Variants in RBM47 observed in about 807,000 individuals in gnomAD.
The protein encoded by RBM47 is RNA binding motif protein 47.
Under a neutral mutation model 47.1 loss-of-function variants are expected in RBM47, and 21 were observed. The ratio of observed to expected loss-of-function variants is 0.45; its 90% CI spans 0.32 to 0.64. The LOEUF (loss-of-function observed/expected upper bound fraction) is 0.64, where lower values mean the gene tolerates loss of function less well. Ranked by LOEUF, RBM47 falls within the 30% of genes least tolerant of loss-of-function variation. The pLI, the probability that RBM47 is intolerant of heterozygous loss-of-function variation, is 0.05. For synonymous variants in RBM47, 375 were observed against 361.7 expected (o/e 1.04, Z -0.42); for missense variants, 708 against 870.9 (o/e 0.81, Z 2.35).
intron 2 of RBM47, among the ~76,000 whole-genome samples, chr4:40,531,159 A>C (rs2154259419): frequency 6.6e-6 from 1 of 152,230 alleles, no homozygotes; most frequent in East Asian, 1.9e-4. Context: ...TGGTTTACAT[A>C]AAACGAAACC....
chr4:40,426,319 A>G, intron 6 of RBM47, 176 bp from the exon 7 acceptor site: 2 of 779,408 alleles, frequency 2.6e-6, no homozygotes, highest in Non-Finnish European at 4.0e-6. Context: ...GAGCCACTGA[A>G]GAGGTAAGGT....
intron 3 of RBM47, among the ~76,000 whole-genome samples, chr4:40,444,767 C>A (rs10024316): frequency 0.16 from 24,011 of 151,282 alleles, 2,029 homozygotes; most frequent in Middle Eastern, 0.21. Context: ...AGGATTCAAG[C>A]GATTTATCTG....
At chr4:40,535,371 C>CTTTTTTTTTTTTTTTTTTATTTT (rs1553897874) in intron 2 of RBM47, among the ~76,000 whole-genome samples, 2 of 103,434 alleles carry the variant, frequency 1.9e-5, no homozygotes, top group South Asian at 3.3e-4. Context: ...TATGGTATTT[C>CTTTTTTTTTTTTTTTTTTATTTT]TTTTTTTTTT....
intron 1 of RBM47, among the ~76,000 whole-genome samples, chr4:40,615,096 A>T (rs1736602107): frequency 6.6e-6 from 1 of 152,110 alleles, no homozygotes; most frequent in Non-Finnish European, 1.5e-5. Context: ...ACTGAACTCC[A>T]GTCTGAGCAA....
rs775844596 is a variant in RBM47, at chr4:40,424,374, T to C, written c.*1530A>G. On this transcript the variant is annotated 3_prime_UTR_variant, in exon 7 of 7. Transcript: ENST00000295971. ...AAAGTAGATGACAATCTTAACATTT[T>C]ACTGTATTTTACATTCACTCTGCTA... The C allele has an allele frequency of 6.6e-6, 1 of 152,668 alleles. No homozygotes were observed. The highest frequency in any genetic ancestry group is 1.5e-5 in the Non-Finnish European group (1 of 68,042). 9.5% of individuals were successfully genotyped at this position (152,668 alleles called of 1,614,324 possible).
At chr4:40,427,969 T>C (rs1223693327) in intron 6 of RBM47, among the ~76,000 whole-genome samples, 2 of 152,188 alleles carry the variant, frequency 1.3e-5, no homozygotes, top group South Asian at 2.1e-4. Context: ...GGTAGGAGGA[T>C]GGCTTGAGGC....
Position 40,471,637 on chromosome 4 carries a change from T to C in RBM47, c.-154-4938A>G, listed in dbSNP as rs189227397. 1.8e-4 allele frequency among the ~76,000 whole-genome samples: 27 copies of C among 147,590 alleles called. 1 individual carries two copies. The highest frequency in any genetic ancestry group is 6.8e-4 in the African/African-American group (27 of 39,824). On this transcript the variant is annotated intron_variant, in intron 2 of 6. Coordinates refer to ENST00000295971, the MANE Select transcript of RBM47 (RefSeq NM_001098634.2). ...TGAATCCGGGAGGTGGAGGCTGCAGTAAGCCGAGATCGTGCCAGGCACTCC... is the reference window on the plus strand; with the variant it reads ...TGAATCCGGGAGGTGGAGGCTGCAGCAAGCCGAGATCGTGCCAGGCACTCC...
intron 4 of RBM47, among the ~76,000 whole-genome samples, chr4:40,437,431 C>T (rs1712817210): frequency 6.6e-6 from 1 of 151,764 alleles, no homozygotes; most frequent in Admixed American, 6.6e-5. Context: ...CCACCAACAT[C>T]TTAAGATTTA....
At chr4:40,504,581 CTGCACCCGACCCTCAT>C (rs1449027849) in intron 2 of RBM47, among the ~76,000 whole-genome samples, 1 of 152,182 alleles carries the variant, frequency 6.6e-6, no homozygotes, top group Non-Finnish European at 1.5e-5. Flanking sequence ...GCTTGGGTCA[CTGCACCCGACCCTCAT>C]TGTTGTTTTA....
intron 1 of RBM47, among the ~76,000 whole-genome samples, chr4:40,546,795 A>T (rs1729079194): frequency 6.6e-6 from 1 of 152,230 alleles, no homozygotes; most frequent in Non-Finnish European, 1.5e-5. Flanking sequence ...CTGTTTGCTT[A>T]CAGCAAATGG....
chr4:40,500,413 C>T, intron 2 of RBM47, among the ~76,000 whole-genome samples: 1 of 151,988 alleles, frequency 6.6e-6, no homozygotes, highest in Admixed American at 6.6e-5. Flanking sequence ...GGAGTCGAGA[C>T]CAGCCTGGGC....
intron 2 of RBM47, among the ~76,000 whole-genome samples, chr4:40,498,670 CAAAAAAA>C (rs910303039): frequency 2.9e-4 from 18 of 62,578 alleles, no homozygotes; most frequent in East Asian, 7.4e-4. Flanking sequence ...GACTCCATCT[CAAAAAAA>C]AAAAAAAAAA....
chr4:40,570,594 C>T (rs1438441067), intron 1 of RBM47, among the ~76,000 whole-genome samples: 3 of 141,940 alleles, frequency 2.1e-5, no homozygotes, highest in African/African-American at 9.4e-5. Flanking sequence ...CTGCCTGGAA[C>T]CCCTGATCTA....
intron 1 of RBM47, among the ~76,000 whole-genome samples, chr4:40,555,500 G>A (rs1729993082): frequency 6.6e-6 from 1 of 152,226 alleles, no homozygotes; most frequent in South Asian, 2.1e-4. Context: ...GTGGTATTAA[G>A]CAACACAGGG....
intron 1 of RBM47, among the ~76,000 whole-genome samples, chr4:40,584,971 G>C (rs187654086): frequency 2.0e-5 from 3 of 152,298 alleles, no homozygotes; most frequent in Admixed American, 2.0e-4. Context: ...TAATGGAGGC[G>C]CAGTGACCAT....
At chr4:40,511,777 A>G (rs989437586) in intron 2 of RBM47, among the ~76,000 whole-genome samples, 2 of 152,052 alleles carry the variant, frequency 1.3e-5, no homozygotes, top group Admixed American at 1.3e-4. Context: ...TCTACTAAAA[A>G]TACAAAAATT....
intron 1 of RBM47, among the ~76,000 whole-genome samples, chr4:40,609,427 C>T (rs1428638365): frequency 1.3e-5 from 2 of 151,644 alleles, no homozygotes; most frequent in African/African-American, 2.4e-5. Flanking sequence ...ATTCTTGTGC[C>T]TCAGCCTCTA....
chr4:40,546,663 A>T (rs1729068280), intron 1 of RBM47, among the ~76,000 whole-genome samples: 1 of 152,198 alleles, frequency 6.6e-6, no homozygotes, highest in Non-Finnish European at 1.5e-5. Flanking sequence ...ACTAAGGTTG[A>T]GCTTCTGATT....
intron 3 of RBM47, among the ~76,000 whole-genome samples, chr4:40,441,045 TATC>T (rs1189902952): frequency 6.6e-6 from 1 of 152,168 alleles, no homozygotes; most frequent in Non-Finnish European, 1.5e-5. Flanking sequence ...CGTCTCCAGT[TATC>T]ATGAAATTTT....
Sources: gnomAD v4.1 joint callset for allele counts (sites outside exome capture counted in the v4.1 genomes callset) on GRCh38, gnomAD v4.1.1 for gene constraint, MANE v1.5 for transcripts, NCBI Gene and HGNC (gene_info 2026-07-23, HGNC 2026-07-21) for gene names.